The following CDC42BPA variants were observed in gnomAD, a reference collection of about 807,000 sequenced individuals.
CDC42BPA encodes the protein serine/threonine-protein kinase MRCK alpha.
A neutral mutation model predicts 223.5 loss-of-function variants in CDC42BPA; 80 were observed. The ratio of observed to expected loss-of-function variants is 0.36; its 90% CI spans 0.30 to 0.43. The LOEUF (loss-of-function observed/expected upper bound fraction) is 0.43, where lower values mean the gene tolerates loss of function less well. CDC42BPA is among the 20% of genes least tolerant of loss of function. The pLI is 1.00. For missense variants in CDC42BPA, 1,743 were observed against 2,099.9 expected, an observed-to-expected ratio of 0.83 and a Z score of 3.32; for synonymous variants, 694 against 718.6, an observed-to-expected ratio of 0.97 and a Z score of 0.55.
intron 2 of CDC42BPA, among the ~76,000 whole-genome samples, chr1:227,237,323 G>A (rs943524212): frequency 6.6e-6 from 1 of 151,756 alleles, no homozygotes; most frequent in Admixed American, 6.6e-5. Context: ...AAATAAAAAG[G>A]CTCCCACTTA....
chr1:227,183,273 A>G (rs1267403549), intron 5 of CDC42BPA: 1 of 152,126 alleles, frequency 6.6e-6, no homozygotes, highest in African/African-American at 2.4e-5. Context: ...CCACAATCAC[A>G]ATATATAACT....
At chr1:227,207,587 G>T (rs10799406) in intron 3 of CDC42BPA, among the ~76,000 whole-genome samples, 100,481 of 145,164 alleles carry the variant, frequency 0.69, 34,729 homozygotes, top group South Asian at 0.74. Context: ...CACTGTTCAA[G>T]TCCCACCAAT....
chr1:227,273,629 T>C (rs1686361781), intron 1 of CDC42BPA, among the ~76,000 whole-genome samples: 1 of 151,106 alleles, frequency 6.6e-6, no homozygotes, highest in African/African-American at 2.4e-5. Flanking sequence ...GAGTTCAACT[T>C]ATAAGGAAAA....
intron 10 of CDC42BPA, among the ~76,000 whole-genome samples, chr1:227,133,973 G>GAATAAATAAATAAATAAATA (rs71179195): frequency 0.056 from 8,124 of 146,254 alleles, 237 homozygotes; most frequent in East Asian, 0.087. Context: ...AAAAATAAAT[G>GAATAAATAAATAAATAAATA]AATAAATAAA....
chr1:227,193,744 A>C (rs566385069), intron 5 of CDC42BPA, 42 bp downstream of exon 5: 2 of 1,480,274 alleles, frequency 1.4e-6, no homozygotes, highest in South Asian at 2.8e-5. Context: ...GCTAGATATT[A>C]CATGGTAACT....
chr1:227,049,381 A>T (rs2148852137), intron 22 of CDC42BPA, among the ~76,000 whole-genome samples: 1 of 152,252 alleles, frequency 6.6e-6, no homozygotes, highest in Admixed American at 6.5e-5. Flanking sequence ...AACAAGCAAT[A>T]TGAAATACAC....
intron 3 of CDC42BPA, among the ~76,000 whole-genome samples, chr1:227,207,217 A>T (rs1368192461): frequency 1.3e-5 from 2 of 150,628 alleles, no homozygotes; most frequent in African/African-American, 4.9e-5. Flanking sequence ...TTTGCTGAGA[A>T]TGATGGTTTC....
chr1:227,270,001 T>C (rs571049137), intron 1 of CDC42BPA, among the ~76,000 whole-genome samples: 62 of 152,298 alleles, frequency 4.1e-4, no homozygotes, highest in South Asian at 1.7e-3. Flanking sequence ...TACTGTATGT[T>C]AGAATGAAAA....
chr1:227,048,731 T>C (rs577452454), intron 22 of CDC42BPA, among the ~76,000 whole-genome samples: 1 of 128,904 alleles, frequency 7.8e-6, no homozygotes, highest in Non-Finnish European at 1.6e-5. Flanking sequence ...AAAGAGCCAC[T>C]GCTTAATCAG....
At chr1:227,059,341 G>A in intron 21 of CDC42BPA, 1 of 1,550,172 alleles carries the variant, frequency 6.5e-7, no homozygotes. Flanking sequence ...AAAGGCCTCA[G>A]GATGGGTACA....
intron 1 of CDC42BPA, among the ~76,000 whole-genome samples, chr1:227,315,955 C>CAAAAAAA (rs71180728): frequency 7.2e-5 from 8 of 110,972 alleles, no homozygotes; most frequent in Admixed American, 2.7e-4. Flanking sequence ...ATTTCAAATC[C>CAAAAAAA]AAAAAAAAAA....
chr1:227,292,172 G>T (rs969858884), intron 1 of CDC42BPA, among the ~76,000 whole-genome samples: 8 of 152,026 alleles, frequency 5.3e-5, no homozygotes, highest in Non-Finnish European at 7.4e-5. Context: ...TAGTAGAGAT[G>T]GGGTGTCACC....
intron 15 of CDC42BPA, among the ~76,000 whole-genome samples, chr1:227,093,214 T>A (rs1683403730): frequency 6.6e-6 from 1 of 152,202 alleles, no homozygotes; most frequent in Non-Finnish European, 1.5e-5. Flanking sequence ...CCTGGGGCCA[T>A]CTGATGTTTA....
At chr1:227,223,893 T>C (rs1676380792) in intron 2 of CDC42BPA, among the ~76,000 whole-genome samples, 1 of 152,208 alleles carries the variant, frequency 6.6e-6, no homozygotes, top group East Asian at 1.9e-4. Flanking sequence ...CTCTACACTG[T>C]ACAGTATTGC....
chr1:227,227,299 T>G (rs1180621230), intron 2 of CDC42BPA, among the ~76,000 whole-genome samples: 1 of 152,160 alleles, frequency 6.6e-6, no homozygotes, highest in African/African-American at 2.4e-5. Flanking sequence ...AAAAAGTTTA[T>G]AAAACTGGCC....
chr1:227,256,948 G>GACACACACACACACACACACACAC (rs55961981), intron 1 of CDC42BPA, among the ~76,000 whole-genome samples: 44 of 141,102 alleles, frequency 3.1e-4, no homozygotes, highest in East Asian at 1.3e-3. Flanking sequence ...TATATATACA[G>GACACACACACACACACACACACAC]ACACACACAC....
intron 35 of CDC42BPA, chr1:227,004,003 G>T (rs1431273935): frequency 6.6e-6 from 1 of 151,788 alleles, no homozygotes; most frequent in Non-Finnish European, 1.5e-5. Flanking sequence ...GTAGTAAAGG[G>T]TATATTCTTG....
chr1:227,023,869 T>G (rs1667803502), intron 31 of CDC42BPA, among the ~76,000 whole-genome samples: 1 of 152,124 alleles, frequency 6.6e-6, no homozygotes, highest in South Asian at 2.1e-4. Flanking sequence ...GGTATATACA[T>G]TTAAAAAAGA....
At chr1:227,259,243 C>T (rs1464018629) in intron 1 of CDC42BPA, among the ~76,000 whole-genome samples, 1 of 150,916 alleles carries the variant, frequency 6.6e-6, no homozygotes, top group East Asian at 1.9e-4. Context: ...ATATGGAAAT[C>T]TGACCTAAGC....
Sources: gnomAD v4.1 joint callset for allele counts (sites outside exome capture counted in the v4.1 genomes callset) on GRCh38, gnomAD v4.1.1 for gene constraint, MANE v1.5 for transcripts, NCBI Gene and HGNC (gene_info 2026-07-23, HGNC 2026-07-21) for gene names.